EPHA3: variants seen among roughly 807,000 people sequenced by gnomAD.
EPHA3 encodes ephrin type-A receptor 3.
Under a neutral mutation model 107.1 loss-of-function variants are expected in EPHA3, and 42 were observed. The ratio of observed to expected loss-of-function variants is 0.39; its 90% confidence interval spans 0.31 to 0.51. The LOEUF is 0.51. EPHA3 is among the 20% of genes least tolerant of loss of function. The pLI is 0.78. For synonymous variants in EPHA3, 461 were observed against 424.8 expected (o/e 1.09, Z -1.05); for missense variants, 1,183 against 1,211.2 (o/e 0.98, Z 0.35).
intron 1 of EPHA3, among the ~76,000 whole-genome samples, chr3:89,116,226 T>G (rs1707249972): frequency 1.3e-5 from 2 of 152,166 alleles, no homozygotes; most frequent in African/African-American, 2.4e-5. Context: ...TGTCAGGAAT[T>G]CCATACATAC....
chr3:89,389,606 G>T (rs1375610415), intron 5 of EPHA3, among the ~76,000 whole-genome samples: 3 of 152,180 alleles, frequency 2.0e-5, no homozygotes, highest in African/African-American at 7.2e-5. Flanking sequence ...GTTGAATTTT[G>T]AAGTTTTCAC....
intron 3 of EPHA3, among the ~76,000 whole-genome samples, chr3:89,305,003 T>C (rs986108761): frequency 6.6e-6 from 1 of 152,212 alleles, no homozygotes; most frequent in Non-Finnish European, 1.5e-5. Context: ...AATTAAAAGA[T>C]TGTTCATTTC....
intron 5 of EPHA3, among the ~76,000 whole-genome samples, chr3:89,393,928 G>A (rs1708796453): frequency 6.6e-6 from 1 of 151,794 alleles, no homozygotes; most frequent in African/African-American, 2.4e-5. Flanking sequence ...CAAATTGCAG[G>A]GTTGTGGGGG....
chr3:89,152,988 T>C (rs547264716), intron 2 of EPHA3, among the ~76,000 whole-genome samples: 1 of 152,242 alleles, frequency 6.6e-6, no homozygotes, highest in Non-Finnish European at 1.5e-5. Context: ...TGTGTATTTA[T>C]AAGCTATTAT....
At chr3:89,166,639 C>T in intron 2 of EPHA3, among the ~76,000 whole-genome samples, 1 of 152,234 alleles carries the variant, frequency 6.6e-6, no homozygotes, top group Non-Finnish European at 1.5e-5. Flanking sequence ...AATTCACCTG[C>T]TTCCTCTGAT....
At chr3:89,240,124 A>G (rs1253808055) in intron 3 of EPHA3, among the ~76,000 whole-genome samples, 7 of 152,218 alleles carry the variant, frequency 4.6e-5, no homozygotes, top group South Asian at 2.1e-4. Context: ...TAGTTCTGGG[A>G]CAAAAGCAGG....
At chr3:89,325,384 G>A (rs996821944) in intron 3 of EPHA3, among the ~76,000 whole-genome samples, 4 of 151,936 alleles carry the variant, frequency 2.6e-5, no homozygotes, top group African/African-American at 4.8e-5. Flanking sequence ...ACATTTTCCC[G>A]ATAGAAGCAA....
intron 7 of EPHA3, among the ~76,000 whole-genome samples, chr3:89,402,670 G>A (rs758747084): frequency 2.0e-4 from 30 of 151,624 alleles, no homozygotes; most frequent in Non-Finnish European, 3.1e-4. Context: ...TTTCCCTCTC[G>A]TTTTAATATT....
At chr3:89,129,580 C>T (rs1576169463) in intron 2 of EPHA3, among the ~76,000 whole-genome samples, 1 of 146,998 alleles carries the variant, frequency 6.8e-6, no homozygotes, top group South Asian at 2.1e-4. Context: ...ATATATAGTG[C>T]AGATTTAGAA....
chr3:89,402,032 C>G (rs1321012100), intron 7 of EPHA3, among the ~76,000 whole-genome samples: 1 of 152,206 alleles, frequency 6.6e-6, no homozygotes, highest in South Asian at 2.1e-4. Flanking sequence ...GCTCAGATCA[C>G]TATTAGATAA....
In EPHA3 at chr3:89,413,198, A is replaced by C. The variant is rs1326510338; in HGVS notation, c.1820A>C (p.Gln607Pro). ...VDPHTYEDPT[Q>P]AVHEFAKELD... Reference sequence around the variant, plus strand: ...CCACATACATATGAAGACCCTACCCAAGCTGTTCATGAGTTTGCCAAGGAA... The same window carrying C: ...CCACATACATATGAAGACCCTACCCCAGCTGTTCATGAGTTTGCCAAGGAA... The change falls in exon 10 of 17, where the codon CAA (glutamine) becomes CCA (proline). Residue 607 changes from glutamine (Q) to proline (P), a missense_variant. Transcript: ENST00000336596. The C allele has an allele frequency of 1.2e-6, 2 of 1,611,920 alleles. No individual in the cohort carries two copies. The highest frequency in any genetic ancestry group is 1.7e-6 in the Non-Finnish European group (2 of 1,178,520).
chr3:89,245,804 C>A (rs1705018235), intron 3 of EPHA3, among the ~76,000 whole-genome samples: 1 of 152,176 alleles, frequency 6.6e-6, no homozygotes, highest in South Asian at 2.1e-4. Flanking sequence ...ATGGATTTTG[C>A]CTCAGGTTAA....
chr3:89,340,403 G>A (rs1707491982), intron 3 of EPHA3, among the ~76,000 whole-genome samples: 1 of 152,182 alleles, frequency 6.6e-6, no homozygotes, highest in African/African-American at 2.4e-5. Context: ...TGTAGCTCAT[G>A]AAAATTATTT....
intron 3 of EPHA3, among the ~76,000 whole-genome samples, chr3:89,310,405 G>A (rs941735618): frequency 1.3e-5 from 2 of 151,854 alleles, no homozygotes; most frequent in Admixed American, 1.3e-4. Flanking sequence ...GTATTGATAC[G>A]AATTTTTGGG....
intron 2 of EPHA3, among the ~76,000 whole-genome samples, chr3:89,153,777 C>T (rs543844987): frequency 6.6e-6 from 1 of 152,120 alleles, no homozygotes; most frequent in Non-Finnish European, 1.5e-5. Context: ...CTACTTATCT[C>T]ACTCCTTTGC....
intron 2 of EPHA3, among the ~76,000 whole-genome samples, chr3:89,193,422 A>G (rs1173344302): frequency 6.6e-6 from 1 of 152,082 alleles, no homozygotes; most frequent in East Asian, 1.9e-4. Context: ...GTGATTAGAA[A>G]GATTTTCTTC....
intron 1 of EPHA3, among the ~76,000 whole-genome samples, chr3:89,123,280 A>T (rs1359260977): frequency 6.6e-6 from 1 of 152,100 alleles, no homozygotes; most frequent in African/African-American, 2.4e-5. Context: ...AGTAGCTGGG[A>T]TTACAGGTGT....
At chr3:89,264,187 T>C (rs532804659) in intron 3 of EPHA3, among the ~76,000 whole-genome samples, 235 of 152,276 alleles carry the variant, frequency 1.5e-3, no homozygotes, top group Non-Finnish European at 2.4e-3. Flanking sequence ...TGTCTTTTCA[T>C]CTGTAAATCT....
chr3:89,200,497 T>G (rs767650738), intron 2 of EPHA3, among the ~76,000 whole-genome samples: 7 of 152,144 alleles, frequency 4.6e-5, no homozygotes, highest in Non-Finnish European at 1.0e-4. Flanking sequence ...TTTGCCATGG[T>G]CTTGCTAAAG....
Sources: gnomAD v4.1 joint callset for allele counts (sites outside exome capture counted in the v4.1 genomes callset) on GRCh38, gnomAD v4.1.1 for gene constraint, MANE v1.5 for transcripts, NCBI Gene and HGNC (gene_info 2026-07-23, HGNC 2026-07-21) for gene names.